Variants in SSU72 observed in about 807,000 individuals in gnomAD.
SSU72 encodes SSU72 homolog, RNA polymerase II CTD phosphatase.
Under a neutral mutation model 22.7 loss-of-function variants are expected in SSU72, and 12 were observed. The observed-to-expected ratio is 0.53, with a 90% CI of 0.34 to 0.86. SSU72 has a LOEUF of 0.86. Ranked by LOEUF, SSU72 falls within the 40% of genes least tolerant of loss-of-function variation. SSU72 has a pLI of 0.02. For synonymous variants in SSU72, 116 were observed against 98.3 expected (o/e 1.18, Z -1.06); for missense variants, 151 against 249.8 (o/e 0.60, Z 2.67).
intron 1 of SSU72, among the ~76,000 whole-genome samples, chr1:1,567,843 G>T (rs1642680082): frequency 6.8e-6 from 1 of 147,884 alleles, no homozygotes; most frequent in South Asian, 2.1e-4. Flanking sequence ...AACCCCGGAA[G>T]CGGAGGTTGC....
intron 2 of SSU72, among the ~76,000 whole-genome samples, chr1:1,556,583 G>C (rs1442849731): frequency 1.3e-5 from 2 of 151,724 alleles, no homozygotes; most frequent in African/African-American, 4.8e-5. Flanking sequence ...ATGCTTTTTT[G>C]GCAAAGCACA....
At chr1:1,545,795 C>A (rs9329413) in intron 2 of SSU72, 72,324 of 150,658 alleles carry the variant, frequency 0.48, 21,205 homozygotes, top group East Asian at 0.86. Context: ...GAAAAAAAAA[C>A]AGAAGGTTCA....
Position 1,560,455 on chromosome 1 carries a change from T to A in SSU72, c.224+4318A>T, listed in dbSNP as rs532605239. Among the ~76,000 whole-genome samples the A allele has an allele frequency of 1.1e-3, 174 of 152,288 alleles. 2 individuals are homozygous for A. Among genetic ancestry groups the A allele is most frequent in the African/African-American group, 4.1e-3 (171 of 41,560 alleles). On this transcript the variant is annotated intron_variant, in intron 2 of 4. Transcript: ENST00000291386. Reference sequence around the variant, plus strand: ...CGTCTAACTTTACCGAAGGCTCGCATCCCAGTGCTGCAAACCTAGACTCGT... The same window carrying A: ...CGTCTAACTTTACCGAAGGCTCGCAACCCAGTGCTGCAAACCTAGACTCGT...
rs563873840 is a variant in SSU72, at chr1:1,574,520, G to C, written c.38C>G (p.Ser13Trp). The change falls in exon 1 of 5, where the codon TCG becomes TGG. Residue 13 changes from serine (S) to tryptophan (W), a missense_variant. By Grantham distance (177) the Ser-to-Trp change is radical. Transcript: ENST00000291386. ...SSPLRVAVVC[S>W]SNQNRSMEAH... ...CTCCATGCTCCGGTTCTGGTTGCTCGAGCACACCACCGCCACCCGCAGCGG... is the reference window on the plus strand; with the variant it reads ...CTCCATGCTCCGGTTCTGGTTGCTCCAGCACACCACCGCCACCCGCAGCGG... 1.9e-6 allele frequency: 3 copies of C among 1,593,848 alleles called. No homozygotes were observed. Among genetic ancestry groups the C allele is most frequent in the Non-Finnish European group, 1.7e-6 (2 of 1,172,506 alleles).
At chr1:1,573,895 C>T (rs1229649458) in intron 1 of SSU72, among the ~76,000 whole-genome samples, 2 of 151,944 alleles carry the variant, frequency 1.3e-5, no homozygotes, top group African/African-American at 4.8e-5. Context: ...ATTAGACATA[C>T]GCTACGCAAG....
chr1:1,573,415 G>A (rs1404326145), intron 1 of SSU72, among the ~76,000 whole-genome samples: 1 of 135,892 alleles, frequency 7.4e-6, no homozygotes, highest in Non-Finnish European at 1.6e-5. Context: ...GGGCGACAGA[G>A]CAAGACTCTG....
chr1:1,558,090 T>C (rs1000363165), intron 2 of SSU72, among the ~76,000 whole-genome samples: 1 of 151,112 alleles, frequency 6.6e-6, no homozygotes, highest in Non-Finnish European at 1.5e-5. Flanking sequence ...AAATCCCAGC[T>C]ACTCGGGAGG....
At chr1:1,567,295 A>T (rs1642673824) in intron 1 of SSU72, among the ~76,000 whole-genome samples, 1 of 152,202 alleles carries the variant, frequency 6.6e-6, no homozygotes, top group Non-Finnish European at 1.5e-5. Context: ...CCTGAGGCTG[A>T]TGACAGCTGC....
intron 1 of SSU72, among the ~76,000 whole-genome samples, chr1:1,569,547 G>C (rs889207603): frequency 6.6e-6 from 1 of 152,212 alleles, no homozygotes; most frequent in African/African-American, 2.4e-5. Flanking sequence ...CAGGAGTTCA[G>C]TGGCGCAGTC....
At chr1:1,557,488 G>A (rs1054704185) in intron 2 of SSU72, among the ~76,000 whole-genome samples, 1 of 115,626 alleles carries the variant, frequency 8.6e-6, no homozygotes, top group African/African-American at 5.3e-5. Context: ...CTATTCATCT[G>A]AATTAGCATA....
chr1:1,559,895 T>C (rs760089589), intron 2 of SSU72, among the ~76,000 whole-genome samples: 4 of 152,150 alleles, frequency 2.6e-5, no homozygotes, highest in Non-Finnish European at 4.4e-5. Flanking sequence ...CGGCTAATTT[T>C]TTATTTTTAG....
chr1:1,570,390 G>A (rs1053691376), intron 1 of SSU72, among the ~76,000 whole-genome samples: 3 of 151,720 alleles, frequency 2.0e-5, no homozygotes, highest in African/African-American at 7.3e-5. Context: ...GCCGACCAGA[G>A]GCCAGGAGAA....
chr1:1,573,341 A>G (rs1271894566), intron 1 of SSU72, among the ~76,000 whole-genome samples: 1 of 151,126 alleles, frequency 6.6e-6, no homozygotes, highest in African/African-American at 2.4e-5. Flanking sequence ...GAGGCAGGAG[A>G]ATAGCTCGAT....
chr1:1,559,775 G>C (rs1272698157), intron 2 of SSU72, among the ~76,000 whole-genome samples: 2 of 152,140 alleles, frequency 1.3e-5, no homozygotes, highest in Non-Finnish European at 2.9e-5. Context: ...TGCCCAGGCT[G>C]GAGTGCAATG....
intron 2 of SSU72, among the ~76,000 whole-genome samples, chr1:1,549,566 T>C (rs992883378): frequency 1.3e-5 from 2 of 150,408 alleles, no homozygotes; most frequent in Non-Finnish European, 3.0e-5. Flanking sequence ...CAGCCAGGCA[T>C]GGTGGCTCAC....
rs1327579898 is a variant in SSU72 at position 1,574,691 on chromosome 1, C to G, written c.-134G>C. ...ACGACGGCGCCGGCGGTGTAGCGTGCGGCGACTGCGCGGCGGCCTCCCCGC... is the reference window on the plus strand; with the variant it reads ...ACGACGGCGCCGGCGGTGTAGCGTGGGGCGACTGCGCGGCGGCCTCCCCGC... On this transcript the variant is annotated 5_prime_UTR_variant, in exon 1 of 5. Coordinates refer to ENST00000291386, the MANE Select transcript of SSU72 (RefSeq NM_014188.3). 7.0e-6 allele frequency: 6 copies of G among 852,248 alleles called. No homozygotes were observed. The African/African-American group carries it at 9.1e-5, about 13-fold the overall frequency. The allele number at this position is 852,248 out of a possible 1,614,324, so 52.8% of individuals were successfully genotyped here. A position where few individuals can be genotyped will look rare whatever the true frequency, so the allele number is the denominator to read the frequency against.
chr1:1,554,827 C>T lies in SSU72; in HGVS notation c.225-9825G>A, dbSNP rs969947926. On this transcript the variant is annotated intron_variant, in intron 2 of 4. Transcript: ENST00000291386. This position sits in a 1 kb window ranked among gnomAD's most constrained non-coding sequence, Gnocchi z 4.1. ...GGGCAGCCCAGCACCATCCTGGGTT[C>T]CCTGCTGCCGGCGCCAGCCCCACGT... Among the ~76,000 whole-genome samples, 3 of 152,164 alleles carry T rather than the reference C, an allele frequency of 2.0e-5. No individual in the cohort carries two copies. Among genetic ancestry groups the T allele is most frequent in the African/African-American group, 7.2e-5 (3 of 41,436 alleles).
At chr1:1,560,906 G>A (rs1027768987) in intron 2 of SSU72, 25 of 152,262 alleles carry the variant, frequency 1.6e-4, no homozygotes, top group Admixed American at 1.4e-3. Flanking sequence ...ACACTGTCTC[G>A]GGCTCAGTGT....
intron 2 of SSU72, among the ~76,000 whole-genome samples, chr1:1,553,378 G>A (rs375215044): frequency 1.4e-4 from 22 of 152,048 alleles, no homozygotes; most frequent in South Asian, 4.1e-4. Context: ...ATTCAGCTTC[G>A]GAATACAACC....
Sources: allele counts gnomAD v4.1 joint callset (sites outside exome capture counted in the v4.1 genomes callset), GRCh38; gene constraint gnomAD v4.1.1; non-coding constraint Gnocchi (gnomAD v3.1); transcripts MANE v1.5; gene names NCBI Gene and HGNC (gene_info 2026-07-23, HGNC 2026-07-21).